MAP4K3: variants seen among roughly 807,000 people sequenced by gnomAD.
MAP4K3 encodes mitogen-activated protein kinase kinase kinase kinase 3.
A neutral mutation model predicts 143.5 loss-of-function variants in MAP4K3; 94 were observed. That is an observed-to-expected ratio of 0.65 (90% CI 0.55 to 0.78). The LOEUF (loss-of-function observed/expected upper bound fraction) is 0.78. Ranked by LOEUF, MAP4K3 falls within the 30% of genes least tolerant of loss-of-function variation. MAP4K3 has a pLI of 0.00. For missense variants in MAP4K3, 1,077 were observed against 1,068.1 expected (o/e 1.01, Z -0.12); for synonymous variants, 416 against 347.2 (o/e 1.20, Z -2.20).
intron 13 of MAP4K3, among the ~76,000 whole-genome samples, chr2:39,310,630 A>T (rs1330363200): frequency 1.3e-5 from 2 of 152,184 alleles, no homozygotes; most frequent in Non-Finnish European, 2.9e-5. Context: ...ATCATATGGT[A>T]GTTCTATTTT....
At chr2:39,410,825 T>A (rs1667214168) in intron 1 of MAP4K3, among the ~76,000 whole-genome samples, 4 of 152,182 alleles carry the variant, frequency 2.6e-5, no homozygotes, top group Admixed American at 2.6e-4. Context: ...TACAAAAGGA[T>A]ATACGGTACA....
intron 1 of MAP4K3, among the ~76,000 whole-genome samples, chr2:39,416,236 A>G (rs570646641): frequency 7.4e-4 from 112 of 151,970 alleles, no homozygotes; most frequent in African/African-American, 2.6e-3. Context: ...TAAGCCTTCT[A>G]CATGAGCTTA....
rs1242947376 is a variant in MAP4K3 at position 39,266,974 on chromosome 2, T to C, written c.2032+215A>G. Reference sequence around the variant, plus strand: ...AATAAATTATTTGTTTAGCAAATAATTTATTTGCTAATAAACATTTATTTG... The same window carrying C: ...AATAAATTATTTGTTTAGCAAATAACTTATTTGCTAATAAACATTTATTTG... On this transcript the variant is annotated intron_variant, in intron 27 of 33. Transcript: ENST00000263881. Among the ~76,000 whole-genome samples the C allele has an allele frequency of 6.6e-5, 10 of 152,276 alleles. 1 individual carries two copies. In the East Asian group the frequency reaches 1.2e-3, roughly 18 times the overall value.
intron 22 of MAP4K3, 27 bp from the exon 23 acceptor site, chr2:39,280,383 GA>G: frequency 7.3e-7 from 1 of 1,371,602 alleles, no homozygotes; most frequent in Non-Finnish European, 1.0e-6. Flanking sequence ...TAACCAATAT[GA>G]AACAGTGACA....
intron 22 of MAP4K3, among the ~76,000 whole-genome samples, chr2:39,280,689 C>T (rs187877711): frequency 4.5e-4 from 68 of 152,118 alleles, no homozygotes; most frequent in African/African-American, 1.4e-3. Context: ...AAGAGCAATA[C>T]AATAGTCTCT....
intron 1 of MAP4K3, among the ~76,000 whole-genome samples, chr2:39,415,690 G>A (rs1444297316): frequency 2.0e-5 from 3 of 151,430 alleles, no homozygotes; most frequent in Non-Finnish European, 4.4e-5. Flanking sequence ...GGTGGCTCAC[G>A]CCTATAATCA....
chr2:39,345,151 T>A (rs1218068651), intron 3 of MAP4K3, among the ~76,000 whole-genome samples: 1 of 151,896 alleles, frequency 6.6e-6, no homozygotes, highest in Admixed American at 6.6e-5. Context: ...GGGAAGAGGA[T>A]TTCTTGAGGC....
chr2:39,263,267 T>C (rs1277582092), intron 28 of MAP4K3, among the ~76,000 whole-genome samples: 2 of 150,756 alleles, frequency 1.3e-5, no homozygotes, highest in Non-Finnish European at 3.0e-5. Flanking sequence ...AATATACATA[T>C]AGAAGTTTTT....
intron 1 of MAP4K3, among the ~76,000 whole-genome samples, chr2:39,435,484 C>G (rs936029276): frequency 2.0e-5 from 3 of 152,170 alleles, no homozygotes; most frequent in African/African-American, 7.2e-5. Context: ...CCCCAGTACC[C>G]TAAGCAACGC....
chr2:39,280,382 T>A, intron 22 of MAP4K3, 26 bp from the exon 23 acceptor site: 1 of 1,373,498 alleles, frequency 7.3e-7, no homozygotes, highest in African/African-American at 1.4e-5. Flanking sequence ...ATAACCAATA[T>A]GAAACAGTGA....
intron 2 of MAP4K3, among the ~76,000 whole-genome samples, chr2:39,371,765 C>T (rs1666085927): frequency 6.6e-6 from 1 of 151,890 alleles, no homozygotes; most frequent in Admixed American, 6.6e-5. Context: ...AAAATAGAAA[C>T]TGTTAAGAAG....
At chr2:39,367,174 T>C (rs1184219194) in intron 2 of MAP4K3, among the ~76,000 whole-genome samples, 2 of 152,362 alleles carry the variant, frequency 1.3e-5, no homozygotes, top group Middle Eastern at 3.4e-3. Flanking sequence ...TACATTTACA[T>C]ACATTGTTAC....
At chr2:39,407,592 G>C (rs1334408816) in intron 1 of MAP4K3, among the ~76,000 whole-genome samples, 7 of 152,262 alleles carry the variant, frequency 4.6e-5, no homozygotes, top group Non-Finnish European at 8.8e-5. Context: ...TAGAGCGAGA[G>C]ACAGGATCTC....
intron 1 of MAP4K3, among the ~76,000 whole-genome samples, chr2:39,393,152 GA>G (rs1167677575): frequency 2.0e-5 from 3 of 152,174 alleles, no homozygotes; most frequent in African/African-American, 7.2e-5. Flanking sequence ...TTGAGTTGGA[GA>G]AACTGATTAA....
At chr2:39,428,844 T>G (rs1572518023) in intron 1 of MAP4K3, among the ~76,000 whole-genome samples, 3 of 148,788 alleles carry the variant, frequency 2.0e-5, no homozygotes, top group African/African-American at 4.9e-5. Context: ...CTGAGGCGGG[T>G]GGATCACGAG....
At chr2:39,272,123 C>CAA (rs1681050728) in intron 26 of MAP4K3, 160 bp downstream of exon 26, 1 of 474,364 alleles carries the variant, frequency 2.1e-6, no homozygotes, top group Non-Finnish European at 3.7e-6. Flanking sequence ...AATTTTAGAA[C>CAA]AAGAGTGTGA....
At position 39,258,574 on chromosome 2, in the gene MAP4K3, T is replaced by C. The variant is rs1680437591; in HGVS notation, c.2322A>G (p.Thr774=). The change falls in exon 30 of 34, where the codon ACA becomes ACG. Residue 774 remains threonine, a synonymous_variant. Coordinates refer to ENST00000263881, the MANE Select transcript of MAP4K3 (RefSeq NM_003618.4). ...CCAGTTGGGTTACATGAGTAACATTTGTCTGTGGGGTATCTACAATACAAA... is the reference window on the plus strand; with the variant it reads ...CCAGTTGGGTTACATGAGTAACATTCGTCTGTGGGGTATCTACAATACAAA... ...SWFTESDTPQ[T]NVTHVTQLER... is the part of the protein sequence containing the mutation. 1 of 1,613,254 alleles carries C rather than the reference T, an allele frequency of 6.2e-7. No individual in the cohort carries two copies. Among genetic ancestry groups the C allele is most frequent in the South Asian group, 1.1e-5 (1 of 91,062 alleles).
chr2:39,378,036 G>C (rs773656787), intron 2 of MAP4K3, 30 bp downstream of exon 2: 1 of 1,308,758 alleles, frequency 7.6e-7, no homozygotes. Context: ...CTTTCTAGCA[G>C]TAAGAAAAAA....
At chr2:39,259,753 ATAAAT>A (rs1221300609) in intron 29 of MAP4K3, among the ~76,000 whole-genome samples, 1 of 152,236 alleles carries the variant, frequency 6.6e-6, no homozygotes, top group Non-Finnish European at 1.5e-5. Flanking sequence ...TTGAGTCTAT[ATAAAT>A]TATTTCCCTT....
Sources: allele counts gnomAD v4.1 joint callset (sites outside exome capture counted in the v4.1 genomes callset), GRCh38; gene constraint gnomAD v4.1.1; transcripts MANE v1.5; gene names NCBI Gene and HGNC (gene_info 2026-07-23, HGNC 2026-07-21).